KANSL1: variants seen among roughly 807,000 people sequenced by gnomAD.
KANSL1 encodes the protein KAT8 regulatory NSL complex subunit 1.
KANSL1 carries 22 observed loss-of-function variants against 103.6 expected under a neutral mutation model. The observed-to-expected ratio is 0.21, with a 90% CI of 0.15 to 0.30. The LOEUF is 0.30. KANSL1 is among the 10% of genes least tolerant of loss of function. The pLI is 1.00. For synonymous variants in KANSL1, 600 were observed against 527.6 expected (o/e 1.14, Z -1.88); for missense variants, 1,337 against 1,399.8 (o/e 0.96, Z 0.72).
At chr17:46,195,113 T>C (rs1024625647), upstream of KANSL1, among the ~76,000 whole-genome samples, 4 of 152,268 alleles carry the variant, frequency 2.6e-5, no homozygotes, top group African/African-American at 9.6e-5. Flanking sequence ...CACACATAAA[T>C]AGTAATTCCA....
chr17:46,150,528 A>T (rs564315264), intron 2 of KANSL1, among the ~76,000 whole-genome samples: 25 of 152,334 alleles, frequency 1.6e-4, no homozygotes, highest in South Asian at 1.4e-3. Context: ...ATCAAGAGAT[A>T]AAAAAACAGG....
intron 4 of KANSL1, among the ~76,000 whole-genome samples, chr17:46,079,143 C>T (rs986183887): frequency 1.3e-5 from 2 of 152,180 alleles, no homozygotes; most frequent in Non-Finnish European, 2.9e-5. Context: ...AGAAAATATT[C>T]CTTGATTTGC....
In KANSL1 at chr17:46,174,150, C is replaced by T. The variant is rs529822207; in HGVS notation, c.-89-1918G>A. On this transcript the variant is annotated intron_variant, in intron 1 of 14. Coordinates refer to ENST00000432791, the MANE Select transcript of KANSL1 (RefSeq NM_015443.4). ...GAAAACTTGTATCAACAATCATGAA[C>T]TTAAACATTTTCCCAATATTTTATT... Among the ~76,000 whole-genome samples, 7 of 152,322 alleles carry T rather than the reference C, an allele frequency of 4.6e-5. No homozygotes were observed. In the South Asian group the frequency reaches 1.0e-3, roughly 23 times the overall value.
At chr17:46,204,476 C>G (rs2047901561) in intron 1 of KANSL1, among the ~76,000 whole-genome samples, 1 of 150,094 alleles carries the variant, frequency 6.7e-6, no homozygotes, top group Non-Finnish European at 1.5e-5. Context: ...AAAAAACAAA[C>G]AGTTATATCT....
chr17:46,223,691 C>T (rs1469095209), upstream of KANSL1: 6 of 152,370 alleles, frequency 3.9e-5, no homozygotes, highest in Non-Finnish European at 8.8e-5. Flanking sequence ...ATCCAAGTAG[C>T]ATTCATAGTG....
intron 2 of KANSL1, among the ~76,000 whole-genome samples, chr17:46,142,583 T>C (rs1477469667): frequency 6.6e-6 from 1 of 152,268 alleles, no homozygotes; most frequent in Non-Finnish European, 1.5e-5. Context: ...CACTCTAGCC[T>C]GGGCAACAGA....
intron 2 of KANSL1, among the ~76,000 whole-genome samples, chr17:46,160,324 G>T (rs777033189): frequency 1.3e-5 from 2 of 152,112 alleles, no homozygotes; most frequent in Non-Finnish European, 2.9e-5. Context: ...TTAAGACAAG[G>T]TCTCACTCTG....
At chr17:46,096,312 T>TTTTTTC (rs1555760883) in intron 2 of KANSL1, among the ~76,000 whole-genome samples, 1 of 60,620 alleles carries the variant, frequency 1.6e-5, no homozygotes, top group Non-Finnish European at 3.1e-5. Flanking sequence ...CTTTTTTTTC[T>TTTTTTC]TTTTTTTTTT....
At chr17:46,060,622 G>GCA (rs1273503330) in intron 6 of KANSL1, among the ~76,000 whole-genome samples, 1 of 152,136 alleles carries the variant, frequency 6.6e-6, no homozygotes, top group African/African-American at 2.4e-5. Context: ...AAGGTCTATT[G>GCA]CACTCTGTCA....
intron 7 of KANSL1, chr17:46,041,181 T>C (rs184195330): frequency 4.6e-5 from 7 of 152,356 alleles, no homozygotes; most frequent in Admixed American, 2.0e-4. Context: ...TACTTCGTTA[T>C]AGACTTTTTC....
chr17:46,090,104 GAAATCT>G (rs1179253411), intron 3 of KANSL1, among the ~76,000 whole-genome samples: 1 of 152,050 alleles, frequency 6.6e-6, no homozygotes, highest in Non-Finnish European at 1.5e-5. Flanking sequence ...TCCTGACATG[GAAATCT>G]ACACAGATGC....
chr17:46,191,116 G>C (rs1019843189), intron 1 of KANSL1, among the ~76,000 whole-genome samples: 3 of 152,130 alleles, frequency 2.0e-5, no homozygotes, highest in African/African-American at 7.2e-5. Flanking sequence ...AACCAGAAAT[G>C]TACTTCGTAT....
chr17:46,171,594 T>A lies in KANSL1; in HGVS notation c.550A>T (p.Thr184Ser). Residue 184 changes from threonine (T) to serine (S), a missense_variant, in exon 2 of 15, where the codon ACT (threonine) becomes TCT (serine). Physicochemically the swap from Thr to Ser is moderately conservative, Grantham distance 58. Coordinates refer to ENST00000432791, the MANE Select transcript of KANSL1 (RefSeq NM_015443.4). The part of the protein sequence containing the change: ...TSLNGGKRAL[T>S]SSALHGGEMG... ...TCACCCCCATGAAGAGCAGATGAAG[T>A]GAGAGCCCGTTTTCCCCCATTGAGG... 4 of 1,589,752 alleles carry A rather than the reference T, an allele frequency of 2.5e-6. No individual in the cohort carries two copies. Among genetic ancestry groups the A allele is most frequent in the Non-Finnish European group, 3.4e-6 (4 of 1,170,396 alleles).
chr17:46,153,591 T>C (rs1299445988), intron 2 of KANSL1, among the ~76,000 whole-genome samples: 1 of 152,170 alleles, frequency 6.6e-6, no homozygotes, highest in African/African-American at 2.4e-5. Context: ...GTATAGGAAA[T>C]GAAGACTACA....
chr17:46,147,320 A>T (rs1918795), intron 2 of KANSL1, among the ~76,000 whole-genome samples: 21,947 of 152,090 alleles, frequency 0.14, 2,136 homozygotes, highest in Non-Finnish European at 0.22. Context: ...ATGCCTGTAA[A>T]CCCAGCACTT....
intron 1 of KANSL1, among the ~76,000 whole-genome samples, chr17:46,181,267 G>C: frequency 6.6e-6 from 1 of 152,122 alleles, no homozygotes; most frequent in South Asian, 2.1e-4. Context: ...AAGCTTTTCA[G>C]GTTTGGTATG....
At chr17:46,063,459 C>T (rs977835174) in intron 6 of KANSL1, among the ~76,000 whole-genome samples, 3 of 152,132 alleles carry the variant, frequency 2.0e-5, no homozygotes, top group African/African-American at 7.2e-5. Context: ...GAGTGAGGAG[C>T]CATGTGAGAC....
intron 7 of KANSL1, among the ~76,000 whole-genome samples, chr17:46,046,842 A>T (rs1289635123): frequency 1.4e-4 from 4 of 29,034 alleles, no homozygotes; most frequent in African/African-American, 4.0e-4. Context: ...CTCAAAAGTA[A>T]AAAAAAAAAA....
intron 1 of KANSL1, among the ~76,000 whole-genome samples, chr17:46,208,167 G>C (rs2048035743): frequency 6.6e-6 from 1 of 152,006 alleles, no homozygotes. Flanking sequence ...AAATACACGA[G>C]ATGCTAAAGA....
Sources: gnomAD v4.1 joint callset for allele counts (sites outside exome capture counted in the v4.1 genomes callset) on GRCh38, gnomAD v4.1.1 for gene constraint, MANE v1.5 for transcripts, NCBI Gene and HGNC (gene_info 2026-07-23, HGNC 2026-07-21) for gene names.